The following KMT2A variants were observed in gnomAD, a reference collection of about 807,000 sequenced individuals.
KMT2A encodes the protein lysine methyltransferase 2A.
A neutral mutation model predicts 345.3 loss-of-function variants in KMT2A; 16 were observed. The observed-to-expected ratio is 0.05, with a 90% CI of 0.03 to 0.07. The LOEUF (loss-of-function observed/expected upper bound fraction) is 0.07, where lower values mean the gene tolerates loss of function less well. Ranked by LOEUF, KMT2A falls within the 10% of genes least tolerant of loss-of-function variation. The pLI is 1.00. For synonymous variants in KMT2A, 1,599 were observed against 1,778.6 expected (o/e 0.90, Z 2.54); for missense variants, 3,272 against 4,841.6 (o/e 0.68, Z 9.62).
chr11:118,518,800 G>C (rs1169745256), intron 31 of KMT2A, among the ~76,000 whole-genome samples: 2 of 133,652 alleles, frequency 1.5e-5, no homozygotes, highest in Non-Finnish European at 3.2e-5. Context: ...AAAAAAAGCC[G>C]GGCGCGGTGG....
intron 1 of KMT2A, among the ~76,000 whole-genome samples, chr11:118,454,838 T>C (rs12574896): frequency 6.6e-6 from 1 of 151,852 alleles, no homozygotes; most frequent in African/African-American, 2.4e-5. Flanking sequence ...AAAAAAATGG[T>C]TAATTTTTTT....
chr11:118,523,760 A>G lies in KMT2A; in HGVS notation c.*1588A>G, dbSNP rs1254609924. ...CACAAAGTCTGGTTTTTCCTGCCCA[A>G]CTTCCCCCTGGAAGGTGTACTTTTT... On this transcript the variant is annotated 3_prime_UTR_variant, in exon 36 of 36. Coordinates refer to ENST00000534358, the MANE Select transcript of KMT2A (RefSeq NM_001197104.2). 4.6e-6 allele frequency: 1 copy of G among 218,266 alleles called. No individual in the cohort carries two copies. Among genetic ancestry groups the G allele is most frequent in the Non-Finnish European group, 9.2e-6 (1 of 108,552 alleles). 13.5% of individuals were successfully genotyped at this position (218,266 alleles called of 1,614,324 possible).
Position 118,521,766 on chromosome 11 carries a change from G to A in KMT2A, c.11644-131G>A, listed in dbSNP as rs184026673. On this transcript the variant is annotated intron_variant, in intron 35 of 35. Coordinates refer to ENST00000534358, the MANE Select transcript of KMT2A (RefSeq NM_001197104.2). The surrounding 1 kb of genome is among the most constrained non-coding windows in gnomAD (Gnocchi z 5.3). ...AGCATCTTGAAAGATAGTACTGGGA[G>A]AAATCTGGAAATTTTACTAGAAGAA... is the stretch of plus-strand genomic sequence containing the variant. 2,843 of 955,538 alleles carry A rather than the reference G, an allele frequency of 3.0e-3. 9 individuals carry two copies. The highest frequency in any genetic ancestry group is 3.5e-3 in the Non-Finnish European group (2,285 of 649,198). The allele number at this position is 955,538 out of a possible 1,614,324, so 59.2% of individuals were successfully genotyped here. A position where few individuals can be genotyped will look rare whatever the true frequency, so the allele number is the denominator to read the frequency against.
At chr11:118,457,549 G>A (rs1216684642) in intron 1 of KMT2A, among the ~76,000 whole-genome samples, 2 of 151,904 alleles carry the variant, frequency 1.3e-5, no homozygotes, top group Non-Finnish European at 2.9e-5. Context: ...GGGATTACAG[G>A]TGTGAGCCAC....
Position 118,505,960 on chromosome 11 carries a change from A to G in KMT2A, c.10068A>G (p.Thr3356=). 1.2e-6 allele frequency: 2 copies of G among 1,614,110 alleles called. No individual in the cohort carries two copies. The highest frequency in any genetic ancestry group is 1.7e-6 in the Non-Finnish European group (2 of 1,180,006). The change falls in exon 27 of 36, where the codon ACA becomes ACG. Residue 3356 remains threonine (T), a synonymous_variant. Coordinates refer to ENST00000534358, the MANE Select transcript of KMT2A (RefSeq NM_001197104.2). The surrounding 1 kb of genome is among the most constrained non-coding windows in gnomAD (Gnocchi z 4.6). ...CCATGCAAACTACCACAACCCCTAC[A>G]AGTAGTGCGTCAGTTCCAGGACACG... ...VVSMQTTTTP[T]SSASVPGHVT... is the part of the protein sequence containing the mutation.
intron 1 of KMT2A, among the ~76,000 whole-genome samples, chr11:118,444,828 G>A (rs1244634917): frequency 3.3e-5 from 5 of 152,134 alleles, no homozygotes; most frequent in Non-Finnish European, 7.4e-5. Context: ...CCCTACCTCA[G>A]CCTCCCAAAG....
intron 4 of KMT2A, among the ~76,000 whole-genome samples, 162 bp downstream of exon 4, chr11:118,477,144 A>G (rs562071227): frequency 2.4e-4 from 37 of 152,332 alleles, no homozygotes; most frequent in Non-Finnish European, 4.9e-4. Flanking sequence ...GAAATGCCTG[A>G]GAAGGAAAAC....
Position 118,501,961 on chromosome 11 carries a change from T to C in KMT2A, c.6505+104T>C, listed in dbSNP as rs538244548. ...CTTGGTGACTTTTACTGATTGAAAA[T>C]GTAGATTCCGGGTGGGTGAGGTGGC... On this transcript the variant is annotated intron_variant, in intron 26 of 35. Coordinates refer to ENST00000534358, the MANE Select transcript of KMT2A (RefSeq NM_001197104.2). 5.9e-5 allele frequency: 61 copies of C among 1,036,820 alleles called. 1 individual carries two copies. The South Asian group carries it at 1.0e-3, about 17-fold the overall frequency. 64.2% of individuals were successfully genotyped at this position (1,036,820 alleles called of 1,614,324 possible). A position where few individuals can be genotyped will look rare whatever the true frequency, so the allele number is the denominator to read the frequency against.
Position 118,475,263 on chromosome 11 carries a change from T to G in KMT2A, c.3156+948T>G, listed in dbSNP as rs192652720. On this transcript the variant is annotated intron_variant, in intron 3 of 35. Coordinates refer to ENST00000534358, the MANE Select transcript of KMT2A (RefSeq NM_001197104.2). The stretch of plus-strand genomic sequence containing the variant: ...TTTTTACAAAGACCAGCATTTTTGT[T>G]TTTTTTTTATTGTTTTGTTTATTTG... Among the ~76,000 whole-genome samples the G allele has an allele frequency of 2.3e-3, 355 of 151,576 alleles. 1 individual carries two copies. Among genetic ancestry groups the G allele is most frequent in the African/African-American group, 8.2e-3 (341 of 41,340 alleles).
At chr11:118,480,708 G>A (rs1555038950) in intron 6 of KMT2A, among the ~76,000 whole-genome samples, 4 of 152,010 alleles carry the variant, frequency 2.6e-5, no homozygotes. Context: ...TGTCTTTCAG[G>A]CTGGGGTGCA....
intron 1 of KMT2A, among the ~76,000 whole-genome samples, chr11:118,460,376 T>A: frequency 6.7e-6 from 1 of 150,166 alleles, no homozygotes; most frequent in Non-Finnish European, 1.5e-5. Flanking sequence ...GCAACCTCCG[T>A]CCCCCAGGCT....
At chr11:118,462,200 C>G (rs2134231851) in intron 1 of KMT2A, among the ~76,000 whole-genome samples, 1 of 152,056 alleles carries the variant, frequency 6.6e-6, no homozygotes, top group East Asian at 1.9e-4. Flanking sequence ...GTGACCCACC[C>G]ATCTCTACCT....
rs1421810087 is a variant in KMT2A at position 118,472,506 on chromosome 11, T to A, written c.1347T>A (p.Ser449Arg). 3.1e-6 allele frequency: 5 copies of A among 1,613,242 alleles called. No homozygotes were observed. In the African/African-American group the frequency reaches 6.7e-5, roughly 22 times the overall value. The change falls in exon 3 of 36, where the codon AGT becomes AGA. Residue 449 changes from serine (S) to arginine (R), a missense_variant. Ser to Arg is a moderately radical substitution (Grantham distance 110, BLOSUM62 -1). Transcript: ENST00000534358. Reference sequence around the variant, plus strand: ...CCCGATTAGAGTCTACACCGAATAGTAGATTCAGTGCCCCGTCCTGTGGAT... The same window carrying A: ...CCCGATTAGAGTCTACACCGAATAGAAGATTCAGTGCCCCGTCCTGTGGAT... ...KIARLESTPN[S>R]RFSAPSCGSS...
chr11:118,510,413 G>A lies in KMT2A; in HGVS notation c.11071+295G>A, dbSNP rs782042221. Among the ~76,000 whole-genome samples the A allele has an allele frequency of 8.6e-5, 13 of 151,976 alleles. No individual in the cohort carries two copies. The highest frequency in any genetic ancestry group is 1.9e-4 in the Non-Finnish European group (13 of 67,990). On this transcript the variant is annotated intron_variant, in intron 30 of 35. Transcript: ENST00000534358. The surrounding 1 kb of genome is among the most constrained non-coding windows in gnomAD (Gnocchi z 4.1). ...CTTGTTTTTTGCCATTCCCTCATGC[G>A]CCTTCTGTGCCCTTCTCTCTCCCTT...
chr11:118,500,304 A>G (rs1399867401), intron 24 of KMT2A, among the ~76,000 whole-genome samples: 5 of 152,224 alleles, frequency 3.3e-5, no homozygotes, highest in Admixed American at 6.5e-5. Context: ...AAATCCACAC[A>G]ATAATGATCA....
In KMT2A at chr11:118,476,543, C is replaced by G. The variant is rs879962122; in HGVS notation, c.3157-262C>G. ...ATGGGTTCTCGCTATGTTGCCCATACTGGTCTTGAACTCCTGGCCTCAAAT... is the reference window on the plus strand; with the variant it reads ...ATGGGTTCTCGCTATGTTGCCCATAGTGGTCTTGAACTCCTGGCCTCAAAT... On this transcript the variant is annotated intron_variant, in intron 3 of 35. Coordinates refer to ENST00000534358, the MANE Select transcript of KMT2A (RefSeq NM_001197104.2). The surrounding 1 kb of genome is among the most constrained non-coding windows in gnomAD (Gnocchi z 4.1). Among the ~76,000 whole-genome samples, 4 of 152,056 alleles carry G rather than the reference C, an allele frequency of 2.6e-5. No homozygotes were observed. The highest frequency in any genetic ancestry group is 5.9e-5 in the Non-Finnish European group (4 of 68,016).
intron 3 of KMT2A, among the ~76,000 whole-genome samples, chr11:118,475,547 C>G (rs1307339381): frequency 6.6e-6 from 1 of 152,090 alleles, no homozygotes; most frequent in Non-Finnish European, 1.5e-5. Flanking sequence ...CACGGTGAAA[C>G]CCTGTCTCTA....
rs1003039893 is a variant in KMT2A at position 118,476,491 on chromosome 11, C to A, written c.3157-314C>A. On this transcript the variant is annotated intron_variant, in intron 3 of 35. Coordinates refer to ENST00000534358, the MANE Select transcript of KMT2A (RefSeq NM_001197104.2). The surrounding 1 kb of genome is among the most constrained non-coding windows in gnomAD (Gnocchi z 4.1). Reference sequence around the variant, plus strand: ...AACTACAGGTGTGTACCACCACGCCCAGCCAATTTTTAAATTTTGTGTAGA... The same window carrying A: ...AACTACAGGTGTGTACCACCACGCCAAGCCAATTTTTAAATTTTGTGTAGA... Among the ~76,000 whole-genome samples, 1 of 152,142 alleles carries A rather than the reference C, an allele frequency of 6.6e-6. No individual in the cohort carries two copies. Among genetic ancestry groups the A allele is most frequent in the Non-Finnish European group, 1.5e-5 (1 of 68,034 alleles).
chr11:118,500,662 C>G (rs1397113297), intron 24 of KMT2A: 1 of 183,538 alleles, frequency 5.4e-6, no homozygotes, highest in African/African-American at 2.3e-5. Flanking sequence ...GGCAATAGTT[C>G]GGTCCTGAAG....
Sources: gnomAD v4.1 joint callset for allele counts (sites outside exome capture counted in the v4.1 genomes callset) on GRCh38, gnomAD v4.1.1 for gene constraint, Gnocchi (gnomAD v3.1) non-coding constraint, MANE v1.5 for transcripts, NCBI Gene and HGNC (gene_info 2026-07-23, HGNC 2026-07-21) for gene names.